The following NAALADL2 variants were observed in gnomAD, a reference collection of about 807,000 sequenced individuals.
The protein encoded by NAALADL2 is N-acetylated alpha-linked acidic dipeptidase like 2, also known as inactive N-acetylated-alpha-linked acidic dipeptidase-like protein 2.
In NAALADL2, 76 loss-of-function variants were observed where a neutral mutation model predicts 87.2. That is an observed-to-expected ratio of 0.87 (90% CI 0.72 to 1.05). The LOEUF is 1.05. Among genes scored for constraint, NAALADL2 ranks in the 50% least tolerant of loss-of-function variants. The pLI, the probability that NAALADL2 is intolerant of heterozygous loss-of-function variation, is 0.00. For missense variants in NAALADL2, 1,089 were observed against 945.8 expected (o/e 1.15, Z -1.99); for synonymous variants, 354 against 331.0 (o/e 1.07, Z -0.75).
intron 1 of NAALADL2, among the ~76,000 whole-genome samples, chr3:174,948,414 T>G (rs1436870806): frequency 6.6e-6 from 1 of 152,092 alleles, no homozygotes; most frequent in African/African-American, 2.4e-5. Context: ...TGACCTCAGG[T>G]GATCCACCCG....
At chr3:174,937,473 AAAGTTATG>A (rs1737870325) in intron 1 of NAALADL2, among the ~76,000 whole-genome samples, 1 of 152,052 alleles carries the variant, frequency 6.6e-6, no homozygotes, top group African/African-American at 2.4e-5. Context: ...AGACTGTAAA[AAAGTTATG>A]AAACTGCTTA....
At position 175,181,429 on chromosome 3, in the gene NAALADL2, T is replaced by A. The variant is rs551051128; in HGVS notation, c.546-52502T>A. ...AAATGCTTATCATTTATTCCTCTTGTGTAACTGAAACTTTGCACCCTTTGA... is the reference window on the plus strand; with the variant it reads ...AAATGCTTATCATTTATTCCTCTTGAGTAACTGAAACTTTGCACCCTTTGA... On this transcript the variant is annotated intron_variant, in intron 2 of 13. Transcript: ENST00000454872. Among the ~76,000 whole-genome samples the A allele has an allele frequency of 5.3e-4, 80 of 151,908 alleles. 2 individuals carry two copies. Among genetic ancestry groups the A allele is most frequent in the South Asian group, 4.4e-3 (21 of 4,816 alleles).
At chr3:175,115,987 C>T (rs1310133341) in intron 2 of NAALADL2, among the ~76,000 whole-genome samples, 1 of 151,910 alleles carries the variant, frequency 6.6e-6, no homozygotes, top group Non-Finnish European at 1.5e-5. Context: ...ACAAAAACCA[C>T]ATGTTTATCT....
At chr3:175,230,497 T>C (rs1238111289) in intron 2 of NAALADL2, among the ~76,000 whole-genome samples, 1 of 151,882 alleles carries the variant, frequency 6.6e-6, no homozygotes, top group Non-Finnish European at 1.5e-5. Context: ...GAAACATGAA[T>C]AGCTAAATAA....
At chr3:175,096,463 G>T (rs544762619) in intron 1 of NAALADL2, among the ~76,000 whole-genome samples, 1 of 150,068 alleles carries the variant, frequency 6.7e-6, no homozygotes, top group African/African-American at 2.5e-5. Flanking sequence ...CATGACTGTT[G>T]TTATTCTCCT....
intron 1 of NAALADL2, among the ~76,000 whole-genome samples, chr3:174,885,078 A>C (rs2109746196): frequency 6.6e-6 from 1 of 152,244 alleles, no homozygotes; most frequent in South Asian, 2.1e-4. Context: ...TTCTTCTGGC[A>C]AAAAAGTTTC....
At chr3:174,646,672 A>G (rs1366325592) in intron 2 of NAALADL2, among the ~76,000 whole-genome samples, 1 of 152,110 alleles carries the variant, frequency 6.6e-6, no homozygotes, top group Non-Finnish European at 1.5e-5. Flanking sequence ...CTAGCACAGT[A>G]ACTTTTCTTT....
At chr3:175,303,151 G>GT (rs542199357) in intron 4 of NAALADL2, among the ~76,000 whole-genome samples, 154 of 152,106 alleles carry the variant, frequency 1.0e-3, no homozygotes, top group Middle Eastern at 3.4e-3. Flanking sequence ...TTTTGTTTGT[G>GT]TTTTTTCAGC....
At chr3:175,547,532 T>C (rs1159954472) in intron 9 of NAALADL2, among the ~76,000 whole-genome samples, 1 of 152,014 alleles carries the variant, frequency 6.6e-6, no homozygotes, top group Non-Finnish European at 1.5e-5. Flanking sequence ...CAAAAGCAAT[T>C]GTAACAAAAG....
intron 4 of NAALADL2, among the ~76,000 whole-genome samples, chr3:175,279,951 A>T (rs1391554247): frequency 6.6e-5 from 10 of 151,978 alleles, no homozygotes; most frequent in African/African-American, 2.4e-4. Context: ...TTATGTTAAG[A>T]AATTGTGTGA....
intron 11 of NAALADL2, among the ~76,000 whole-genome samples, chr3:175,667,227 GAA>G (rs1299767455): frequency 4.3e-4 from 54 of 126,914 alleles, no homozygotes; most frequent in South Asian, 2.9e-3. Context: ...AAGAAAGAAA[GAA>G]AGAAAGAAAG....
At chr3:175,654,282 C>T (rs917749011) in intron 11 of NAALADL2, among the ~76,000 whole-genome samples, 1 of 152,120 alleles carries the variant, frequency 6.6e-6, no homozygotes, top group African/African-American at 2.4e-5. Context: ...CTTTAAAAAA[C>T]TGTTCAAGCA....
chr3:175,037,044 C>G (rs1279060585), intron 1 of NAALADL2, among the ~76,000 whole-genome samples: 2 of 151,994 alleles, frequency 1.3e-5, no homozygotes, highest in African/African-American at 4.8e-5. Flanking sequence ...ACCGAGAGTA[C>G]CCTGCTTGGG....
intron 2 of NAALADL2, among the ~76,000 whole-genome samples, chr3:175,223,730 G>A (rs1743749814): frequency 6.6e-6 from 1 of 152,124 alleles, no homozygotes; most frequent in Non-Finnish European, 1.5e-5. Flanking sequence ...TAAAAAGAAA[G>A]ATGTCAAATA....
At chr3:175,128,515 T>A (rs1043789901) in intron 2 of NAALADL2, among the ~76,000 whole-genome samples, 2 of 152,214 alleles carry the variant, frequency 1.3e-5, no homozygotes, top group Non-Finnish European at 2.9e-5. Context: ...AGATTTCATT[T>A]ATTTGATTTT....
intron 13 of NAALADL2, among the ~76,000 whole-genome samples, chr3:175,758,860 G>A (rs569032999): frequency 1.6e-4 from 24 of 151,584 alleles, no homozygotes; most frequent in African/African-American, 5.8e-4. Flanking sequence ...TAACCCACTG[G>A]GCATACAGAA....
intron 5 of NAALADL2, among the ~76,000 whole-genome samples, chr3:175,423,028 A>AAAAAAATATATATAT (rs1438736874): frequency 1.1e-4 from 12 of 111,298 alleles, no homozygotes; most frequent in African/African-American, 4.5e-4. Flanking sequence ...GAAAAAAAAA[A>AAAAAAATATATATAT]ATATATATAT....
intron 2 of NAALADL2, among the ~76,000 whole-genome samples, chr3:174,712,380 CTTTTTTTT>C (rs1169827021): frequency 2.4e-4 from 17 of 70,432 alleles, no homozygotes; most frequent in African/African-American, 9.5e-4. Flanking sequence ...TTCTCCTCTT[CTTTTTTTT>C]TTTTTTTTTT....
chr3:175,222,065 G>GA (rs970490124), intron 2 of NAALADL2, among the ~76,000 whole-genome samples: 17 of 151,606 alleles, frequency 1.1e-4, no homozygotes, highest in African/African-American at 2.4e-4. Context: ...TTATTTTTGT[G>GA]AAAAAAAATA....
Sources: gnomAD v4.1 joint callset for allele counts (sites outside exome capture counted in the v4.1 genomes callset) on GRCh38, gnomAD v4.1.1 for gene constraint, MANE v1.5 for transcripts, NCBI Gene and HGNC (gene_info 2026-07-23, HGNC 2026-07-21) for gene names.